The following CCDC138 variants were observed in gnomAD, a reference collection of about 807,000 sequenced individuals.
The protein encoded by CCDC138 is coiled-coil domain-containing protein 138.
In CCDC138, 66 loss-of-function variants were observed where a neutral mutation model predicts 82.3. That is an observed-to-expected ratio of 0.80 (90% confidence interval 0.66 to 0.98). The LOEUF (loss-of-function observed/expected upper bound fraction) is 0.98, where lower values mean the gene tolerates loss of function less well. Ranked by LOEUF, CCDC138 falls within the 50% of genes least tolerant of loss-of-function variation. The pLI, the probability that CCDC138 is intolerant of heterozygous loss-of-function variation, is 0.00. For missense variants in CCDC138, 816 were observed against 758.9 expected, an observed-to-expected ratio of 1.08 and a Z score of -0.88; for synonymous variants, 297 against 265.4, an observed-to-expected ratio of 1.12 and a Z score of -1.16.
At chr2:108,803,763 A>AG (rs944108708) in intron 6 of CCDC138, among the ~76,000 whole-genome samples, 1 of 152,086 alleles carries the variant, frequency 6.6e-6, no homozygotes, top group Non-Finnish European at 1.5e-5. Context: ...TTCTTTTCAC[A>AG]GTTGTCAGTT....
chr2:108,796,896 A>G (rs1681007265), intron 5 of CCDC138, among the ~76,000 whole-genome samples: 1 of 152,212 alleles, frequency 6.6e-6, no homozygotes, highest in African/African-American at 2.4e-5. Context: ...AAGTTTCAGT[A>G]TTTACTAGTA....
At chr2:108,883,772 C>A (rs1696355350) in intron 2 of CCDC138, 1 of 152,232 alleles carries the variant, frequency 6.6e-6, no homozygotes, top group Non-Finnish European at 1.5e-5. Context: ...CTTTGTGACT[C>A]AAGGGTCTGC....
intron 11 of CCDC138, 123 bp downstream of exon 11, chr2:108,839,424 G>A (rs1236908545): frequency 1.3e-6 from 1 of 774,814 alleles, no homozygotes; most frequent in Non-Finnish European, 1.9e-6. Context: ...CCCTATCTAT[G>A]TCTTGCTGGG....
chr2:108,786,964 C>A, intron 1 of CCDC138, 49 bp downstream of exon 1: 1 of 1,296,924 alleles, frequency 7.7e-7, no homozygotes, highest in South Asian at 1.7e-5. Flanking sequence ...TGCTGGGGGG[C>A]GGCCCGCTCC....
At chr2:108,794,819 T>C in intron 5 of CCDC138, 98 bp downstream of exon 5, 2 of 963,164 alleles carry the variant, frequency 2.1e-6, no homozygotes, top group Non-Finnish European at 3.0e-6. Flanking sequence ...TTTTAATTAC[T>C]TTAGATAAGT....
intron 7 of CCDC138, 55 bp from the exon 8 acceptor site, chr2:108,812,576 G>C (rs1267471982): frequency 2.6e-5 from 35 of 1,321,682 alleles, no homozygotes; most frequent in Non-Finnish European, 3.7e-5. Context: ...GAAACCCTTA[G>C]TATGAAACCA....
At chr2:108,791,948 G>A in intron 4 of CCDC138, 146 bp downstream of exon 4, 1 of 809,106 alleles carries the variant, frequency 1.2e-6, no homozygotes, top group Non-Finnish European at 1.8e-6. Flanking sequence ...GATAGTTACT[G>A]TGCTTATTAT....
intron 10 of CCDC138, among the ~76,000 whole-genome samples, chr2:108,824,130 A>G (rs984253356): frequency 7.9e-5 from 12 of 150,950 alleles, no homozygotes; most frequent in East Asian, 7.8e-4. Flanking sequence ...AAATTTTATA[A>G]ACAGTATGCA....
intron 13 of CCDC138, among the ~76,000 whole-genome samples, chr2:108,862,079 T>TG (rs1423722949): frequency 6.6e-6 from 1 of 150,578 alleles, no homozygotes; most frequent in African/African-American, 2.4e-5. Context: ...TGATTTCAGT[T>TG]TTTTTTTTTT....
chr2:108,869,708 A>G (rs1025497269), intron 13 of CCDC138, among the ~76,000 whole-genome samples: 2 of 152,154 alleles, frequency 1.3e-5, no homozygotes, highest in Admixed American at 6.5e-5. Flanking sequence ...AAAAAACAGC[A>G]TACACAGGCC....
At chr2:108,840,825 T>A (rs568466310) in intron 11 of CCDC138, among the ~76,000 whole-genome samples, 1 of 152,180 alleles carries the variant, frequency 6.6e-6, no homozygotes, top group East Asian at 1.9e-4. Flanking sequence ...TTTATTTTTT[T>A]GAGACAGAGC....
intron 5 of CCDC138, among the ~76,000 whole-genome samples, chr2:108,795,051 G>A (rs557867521): frequency 2.0e-4 from 16 of 81,042 alleles, no homozygotes; most frequent in Middle Eastern, 7.2e-3. Context: ...ATTGTTTTAA[G>A]TACTTATATA....
chr2:108,799,882 C>T (rs1681603190), intron 6 of CCDC138, among the ~76,000 whole-genome samples: 1 of 151,924 alleles, frequency 6.6e-6, no homozygotes, highest in African/African-American at 2.4e-5. Flanking sequence ...TTTTAATCTC[C>T]ATGTTGCTAT....
chr2:108,817,229 A>G (rs1437082408), intron 10 of CCDC138, among the ~76,000 whole-genome samples: 2 of 151,878 alleles, frequency 1.3e-5, no homozygotes, highest in East Asian at 1.9e-4. Flanking sequence ...CAGAGACTCA[A>G]CCCCCTCTTG....
intron 10 of CCDC138, among the ~76,000 whole-genome samples, chr2:108,827,832 A>G (rs968245870): frequency 1.4e-5 from 2 of 145,168 alleles, no homozygotes; most frequent in Admixed American, 7.0e-5. Context: ...AAAAAAAAAA[A>G]TTAAAAAAAT....
chr2:108,841,333 C>G (rs1264056891), intron 11 of CCDC138, among the ~76,000 whole-genome samples: 5 of 152,088 alleles, frequency 3.3e-5, no homozygotes, highest in Non-Finnish European at 5.9e-5. Context: ...TTGTCCTGTT[C>G]TATCAAGTGT....
downstream of CCDC138, among the ~76,000 whole-genome samples, chr2:108,880,384 C>T (rs984287896): frequency 2.6e-5 from 4 of 152,272 alleles, no homozygotes; most frequent in African/African-American, 9.6e-5. Flanking sequence ...TATTCAAAAT[C>T]CTAACAAGTT....
intron 7 of CCDC138, among the ~76,000 whole-genome samples, chr2:108,810,905 G>T (rs1240730396): frequency 6.6e-6 from 1 of 152,032 alleles, no homozygotes; most frequent in African/African-American, 2.4e-5. Flanking sequence ...TCTTGGTTCA[G>T]TCTTACGTTA....
chr2:108,811,136 T>C (rs1343725833), intron 7 of CCDC138, among the ~76,000 whole-genome samples: 7 of 150,478 alleles, frequency 4.7e-5, no homozygotes, highest in African/African-American at 1.2e-4. Flanking sequence ...TCTTCCCTTC[T>C]TCCCCTCCCT....
Sources: allele counts gnomAD v4.1 joint callset (sites outside exome capture counted in the v4.1 genomes callset), GRCh38; gene constraint gnomAD v4.1.1; transcripts MANE v1.5; gene names NCBI Gene and HGNC (gene_info 2026-07-23, HGNC 2026-07-21).